The following LRRC4C variants were observed in gnomAD, a reference collection of about 807,000 sequenced individuals.
The protein encoded by LRRC4C is leucine rich repeat containing 4C, also known as leucine-rich repeat-containing protein 4C.
In LRRC4C, 5 loss-of-function variants were observed where a neutral mutation model predicts 33.6. That is an observed-to-expected ratio of 0.15 (90% CI 0.08 to 0.31). The LOEUF is 0.31. LRRC4C is among the 10% of genes least tolerant of loss of function. LRRC4C has a pLI of 1.00. For missense variants in LRRC4C, 560 were observed against 796.7 expected, an observed-to-expected ratio of 0.70 and a Z score of 3.58; for synonymous variants, 329 against 302.0, an observed-to-expected ratio of 1.09 and a Z score of -0.93.
chr11:40,680,824 C>T lies in LRRC4C; in HGVS notation c.-406-32546G>A, dbSNP rs548266727. Among the ~76,000 whole-genome samples the T allele has an allele frequency of 2.0e-5, 3 of 152,098 alleles. 1 individual carries two copies. The South Asian group carries it at 6.2e-4, about 32-fold the overall frequency. On this transcript the variant is annotated intron_variant, in intron 2 of 6. Transcript: ENST00000528697. ...ATTTGAATGACATAATTTATTAAAC[C>T]CAACATATGCAAAATAATGTAACTT...
At chr11:41,245,648 T>A (rs959116183) in intron 1 of LRRC4C, among the ~76,000 whole-genome samples, 1 of 152,200 alleles carries the variant, frequency 6.6e-6, no homozygotes, top group African/African-American at 2.4e-5. Flanking sequence ...GCAGCTCTTC[T>A]CTTTTCTTCT....
intron 1 of LRRC4C, among the ~76,000 whole-genome samples, chr11:41,219,505 C>T (rs1346777546): frequency 6.6e-6 from 1 of 152,240 alleles, no homozygotes; most frequent in African/African-American, 2.4e-5. Flanking sequence ...GAAGTCCAGT[C>T]AAGTGTTTCT....
chr11:40,252,700 C>A (rs1185252047), intron 4 of LRRC4C, among the ~76,000 whole-genome samples: 1 of 152,076 alleles, frequency 6.6e-6, no homozygotes, highest in Non-Finnish European at 1.5e-5. Context: ...GTTCCTCTGA[C>A]TTTTATTATA....
intron 6 of LRRC4C, among the ~76,000 whole-genome samples, chr11:40,139,062 TCTAA>T (rs1857177076): frequency 6.6e-6 from 1 of 152,286 alleles, no homozygotes; most frequent in African/African-American, 2.4e-5. Flanking sequence ...ATTTGTTAAA[TCTAA>T]CTAAGTCCAA....
At chr11:40,408,298 G>A (rs1275386692) in intron 3 of LRRC4C, among the ~76,000 whole-genome samples, 1 of 151,846 alleles carries the variant, frequency 6.6e-6, no homozygotes, top group Non-Finnish European at 1.5e-5. Context: ...TTAAAATAAG[G>A]TATTATACAT....
At chr11:40,290,481 T>C (rs1939760897) in intron 4 of LRRC4C, among the ~76,000 whole-genome samples, 1 of 152,208 alleles carries the variant, frequency 6.6e-6, no homozygotes, top group Admixed American at 6.5e-5. Flanking sequence ...GCTAGTTTAG[T>C]TAAGGAGTAA....
chr11:40,310,433 C>T (rs915428105), intron 4 of LRRC4C, among the ~76,000 whole-genome samples: 1 of 152,158 alleles, frequency 6.6e-6, no homozygotes, highest in Admixed American at 6.5e-5. Context: ...CATTGTACCA[C>T]ATTGCTTGCC....
chr11:40,144,836 AC>A (rs1857611245), intron 5 of LRRC4C, among the ~76,000 whole-genome samples: 1 of 152,262 alleles, frequency 6.6e-6, no homozygotes, highest in Non-Finnish European at 1.5e-5. Flanking sequence ...GTCTTTTAAC[AC>A]AAGGTAAACA....
At chr11:40,516,504 G>C (rs964899729) in intron 3 of LRRC4C, among the ~76,000 whole-genome samples, 8 of 152,042 alleles carry the variant, frequency 5.3e-5, no homozygotes, top group African/African-American at 1.9e-4. Context: ...CTATGCATTT[G>C]ATTGGTTTAT....
intron 1 of LRRC4C, among the ~76,000 whole-genome samples, chr11:40,987,644 TA>T (rs1853125191): frequency 2.3e-5 from 2 of 88,346 alleles, no homozygotes; most frequent in Non-Finnish European, 4.5e-5. Flanking sequence ...TATATATATA[TA>T]TATATATCTC....
At chr11:40,409,130 C>A (rs1950066168) in intron 3 of LRRC4C, among the ~76,000 whole-genome samples, 1 of 151,698 alleles carries the variant, frequency 6.6e-6, no homozygotes. Context: ...ACAAAGGTGC[C>A]AAGAATACAT....
chr11:40,155,123 T>C (rs1345546687), intron 5 of LRRC4C, among the ~76,000 whole-genome samples: 1 of 152,084 alleles, frequency 6.6e-6, no homozygotes, highest in Non-Finnish European at 1.5e-5. Context: ...GTGTCAAAAA[T>C]GAAATCAAGA....
intron 2 of LRRC4C, among the ~76,000 whole-genome samples, chr11:40,725,673 T>C (rs752697846): frequency 1.2e-4 from 18 of 152,250 alleles, no homozygotes; most frequent in Middle Eastern, 3.4e-3. Flanking sequence ...ATGAAACATA[T>C]AATGCATAAA....
At chr11:41,070,431 C>T (rs557221532) in intron 1 of LRRC4C, among the ~76,000 whole-genome samples, 10 of 152,166 alleles carry the variant, frequency 6.6e-5, no homozygotes, top group African/African-American at 2.2e-4. Context: ...TCAAATTAAA[C>T]TAAAAAGCTT....
chr11:41,060,633 C>A (rs1046818143), intron 1 of LRRC4C, among the ~76,000 whole-genome samples: 2 of 152,110 alleles, frequency 1.3e-5, no homozygotes, highest in African/African-American at 4.8e-5. Flanking sequence ...TTGCTTAGAG[C>A]CCCCATCTCC....
At chr11:41,062,289 T>C (rs1474142893) in intron 1 of LRRC4C, among the ~76,000 whole-genome samples, 1 of 152,192 alleles carries the variant, frequency 6.6e-6, no homozygotes, top group Non-Finnish European at 1.5e-5. Context: ...GTTGTTCACC[T>C]ATATGCAACC....
chr11:41,040,696 T>C (rs1857379310), intron 1 of LRRC4C, among the ~76,000 whole-genome samples: 1 of 152,218 alleles, frequency 6.6e-6, no homozygotes, highest in South Asian at 2.1e-4. Flanking sequence ...ACACTGCTTG[T>C]CACCTTCTTT....
chr11:41,407,900 G>A (rs1954302356), intron 1 of LRRC4C, among the ~76,000 whole-genome samples: 1 of 152,146 alleles, frequency 6.6e-6, no homozygotes, highest in African/African-American at 2.4e-5. Flanking sequence ...CATTTTCTCT[G>A]GAAGCAACAT....
At chr11:41,351,532 C>T (rs1372450879) in intron 1 of LRRC4C, among the ~76,000 whole-genome samples, 1 of 152,040 alleles carries the variant, frequency 6.6e-6, no homozygotes, top group African/African-American at 2.4e-5. Context: ...ATCCCCAAAA[C>T]ACATAGTCAT....
Sources: gnomAD v4.1 joint callset for allele counts (sites outside exome capture counted in the v4.1 genomes callset) on GRCh38, gnomAD v4.1.1 for gene constraint, MANE v1.5 for transcripts, NCBI Gene and HGNC (gene_info 2026-07-23, HGNC 2026-07-21) for gene names.